The following RABGAP1L variants were observed in gnomAD, a reference collection of about 807,000 sequenced individuals.
The protein encoded by RABGAP1L is rab GTPase-activating protein 1-like.
Under a neutral mutation model 137.7 loss-of-function variants are expected in RABGAP1L, and 63 were observed. The ratio of observed to expected loss-of-function variants is 0.46; its 90% CI spans 0.37 to 0.56. The LOEUF (loss-of-function observed/expected upper bound fraction) is 0.56, where lower values mean the gene tolerates loss of function less well. Ranked by LOEUF, RABGAP1L falls within the 20% of genes least tolerant of loss-of-function variation. The pLI is 0.00. For missense variants in RABGAP1L, 1,095 were observed against 1,244.0 expected, an observed-to-expected ratio of 0.88 and a Z score of 1.80; for synonymous variants, 431 against 433.7, an observed-to-expected ratio of 0.99 and a Z score of 0.08.
chr1:174,280,826 G>C (rs929520402), intron 10 of RABGAP1L, among the ~76,000 whole-genome samples: 1 of 152,226 alleles, frequency 6.6e-6, no homozygotes, highest in Non-Finnish European at 1.5e-5. Flanking sequence ...CTGACTTCAA[G>C]AATGAAGCCG....
intron 13 of RABGAP1L, among the ~76,000 whole-genome samples, chr1:174,462,041 G>A (rs1656749485): frequency 6.6e-6 from 1 of 152,070 alleles, no homozygotes; most frequent in Non-Finnish European, 1.5e-5. Context: ...CTTAGTAAAA[G>A]CATTGTTTCT....
intron 19 of RABGAP1L, among the ~76,000 whole-genome samples, chr1:174,839,142 G>T (rs1693118433): frequency 6.6e-6 from 1 of 151,610 alleles, no homozygotes; most frequent in South Asian, 2.1e-4. Context: ...AGGGGATAAA[G>T]AACTAATTAC....
intron 13 of RABGAP1L, among the ~76,000 whole-genome samples, chr1:174,484,637 T>C (rs1018486488): frequency 6.6e-5 from 10 of 152,232 alleles, no homozygotes; most frequent in African/African-American, 2.2e-4. Context: ...CAACAACATT[T>C]ATTGAAGAGA....
At chr1:174,621,957 G>T (rs1672520651) in intron 13 of RABGAP1L, among the ~76,000 whole-genome samples, 1 of 152,160 alleles carries the variant, frequency 6.6e-6, no homozygotes, top group Non-Finnish European at 1.5e-5. Flanking sequence ...CTACTCATCT[G>T]ACAAAGGGCT....
At chr1:174,363,351 T>C (rs1328730913) in intron 11 of RABGAP1L, among the ~76,000 whole-genome samples, 3 of 152,224 alleles carry the variant, frequency 2.0e-5, no homozygotes, top group Non-Finnish European at 4.4e-5. Context: ...AGAAATAGCA[T>C]TGAATATGTA....
rs142774633 is a variant in RABGAP1L, at chr1:174,250,564, C to G, written c.807C>G (p.Pro269=). ...SDVKDSVIPT[P]DSDVFTFSVS... ...TTAAAGACTCAGTTATTCCTACCCC[C>G]GACAGTGATGTGTTTACCTTCAGTG... is the stretch of plus-strand genomic sequence containing the variant. The change falls in exon 6 of 26, where the codon CCC becomes CCG. Residue 269 remains proline (P), a synonymous_variant. Coordinates refer to ENST00000681986, the MANE Select transcript of RABGAP1L (RefSeq NM_001366446.1). 5 of 1,613,768 alleles carry G rather than the reference C, an allele frequency of 3.1e-6. No individual in the cohort carries two copies. The highest frequency in any genetic ancestry group is 1.1e-5 in the South Asian group (1 of 91,052).
intron 11 of RABGAP1L, among the ~76,000 whole-genome samples, chr1:174,318,855 T>G (rs1160460044): frequency 1.3e-5 from 2 of 151,980 alleles, no homozygotes; most frequent in African/African-American, 4.8e-5. Context: ...AAAAAAAACT[T>G]TACACTTCAT....
At chr1:174,920,665 T>A (rs1231893407) in intron 19 of RABGAP1L, among the ~76,000 whole-genome samples, 2 of 152,142 alleles carry the variant, frequency 1.3e-5, no homozygotes, top group African/African-American at 4.8e-5. Flanking sequence ...AAAGTGGTAA[T>A]TAAGGTAAAA....
intron 13 of RABGAP1L, among the ~76,000 whole-genome samples, chr1:174,423,527 C>T (rs539888686): frequency 6.6e-5 from 10 of 152,098 alleles, no homozygotes; most frequent in Non-Finnish European, 1.2e-4. Flanking sequence ...CGTATACCTG[C>T]ATTTTGAATT....
chr1:174,817,593 T>G (rs1021688238), intron 19 of RABGAP1L, among the ~76,000 whole-genome samples: 3 of 152,158 alleles, frequency 2.0e-5, no homozygotes, highest in African/African-American at 7.2e-5. Flanking sequence ...TGCAGAGCCT[T>G]GTAAACCACG....
At chr1:174,604,630 A>G (rs1670645703) in intron 13 of RABGAP1L, among the ~76,000 whole-genome samples, 1 of 152,096 alleles carries the variant, frequency 6.6e-6, no homozygotes, top group Non-Finnish European at 1.5e-5. Flanking sequence ...TTGCTCCACC[A>G]CCTTCTCTCC....
At chr1:174,581,403 T>C (rs527890885) in intron 13 of RABGAP1L, among the ~76,000 whole-genome samples, 2 of 152,286 alleles carry the variant, frequency 1.3e-5, no homozygotes, top group East Asian at 3.9e-4. Flanking sequence ...GGATGTACCT[T>C]GGAAAGATGC....
intron 1 of RABGAP1L, among the ~76,000 whole-genome samples, chr1:174,167,930 G>A (rs1665040845): frequency 6.6e-6 from 1 of 152,080 alleles, no homozygotes; most frequent in South Asian, 2.1e-4. Context: ...GTTATTAGGT[G>A]TTTCTTTGAA....
At chr1:174,171,245 A>G (rs887258626) in intron 1 of RABGAP1L, among the ~76,000 whole-genome samples, 1 of 152,194 alleles carries the variant, frequency 6.6e-6, no homozygotes, top group African/African-American at 2.4e-5. Flanking sequence ...GATATGCCCA[A>G]AAGAGCTTTT....
In RABGAP1L at chr1:174,231,645, C is replaced by T. The variant is rs537840113; in HGVS notation, c.542+290C>T. On this transcript the variant is annotated intron_variant, in intron 4 of 25. Transcript: ENST00000681986. ...GGTGTATAGGAAACATGATGCTGGC[C>T]ATCTGCTCAGCTTCTGGGAGGGAGG... 5.9e-5 allele frequency among the ~76,000 whole-genome samples: 9 copies of T among 152,236 alleles called. No homozygotes were observed. The South Asian group carries it at 1.2e-3, about 21-fold the overall frequency.
chr1:174,669,717 A>G (rs1178907106), intron 14 of RABGAP1L, among the ~76,000 whole-genome samples: 2 of 152,152 alleles, frequency 1.3e-5, no homozygotes, highest in Non-Finnish European at 2.9e-5. Context: ...TCTTCTCAGA[A>G]CCATGTATTG....
chr1:174,496,884 C>T (rs1660781911), intron 13 of RABGAP1L, among the ~76,000 whole-genome samples: 1 of 152,146 alleles, frequency 6.6e-6, no homozygotes, highest in South Asian at 2.1e-4. Flanking sequence ...GTGACAACTG[C>T]CCATCCTACC....
chr1:174,840,821 A>AT (rs1005354492), intron 19 of RABGAP1L, among the ~76,000 whole-genome samples: 11 of 85,846 alleles, frequency 1.3e-4, no homozygotes, highest in Admixed American at 9.3e-4. Context: ...GTCTCAAAAA[A>AT]AAAAATAAAA....
chr1:174,440,590 T>A lies in RABGAP1L; in HGVS notation c.1710+46445T>A, dbSNP rs949708572. On this transcript the variant is annotated intron_variant, in intron 13 of 25. Transcript: ENST00000681986. ...ATTTGTTTATTTTTTTATTTTTATTTTTTGAGACAGTCTCACTCTGTTGCT... is the reference window on the plus strand; with the variant it reads ...ATTTGTTTATTTTTTTATTTTTATTATTTGAGACAGTCTCACTCTGTTGCT... 4.6e-5 allele frequency among the ~76,000 whole-genome samples: 7 copies of A among 152,228 alleles called. No homozygotes were observed. The East Asian group carries it at 1.2e-3, about 25-fold the overall frequency.
Sources: gnomAD v4.1 joint callset for allele counts (sites outside exome capture counted in the v4.1 genomes callset) on GRCh38, gnomAD v4.1.1 for gene constraint, MANE v1.5 for transcripts, NCBI Gene and HGNC (gene_info 2026-07-23, HGNC 2026-07-21) for gene names.